HMGCLL1: variants seen among roughly 807,000 people sequenced by gnomAD.
HMGCLL1 encodes the protein 3-hydroxymethyl-3-methylglutaryl-CoA lyase, cytoplasmic.
In HMGCLL1, 36 loss-of-function variants were observed where a neutral mutation model predicts 39.1. The ratio of observed to expected loss-of-function variants is 0.92; its 90% CI spans 0.71 to 1.22. HMGCLL1 has a LOEUF of 1.22. Ranked by LOEUF, HMGCLL1 falls within the 50% of genes most tolerant of loss-of-function variation. HMGCLL1 has a pLI of 0.00. For synonymous variants in HMGCLL1, 149 were observed against 144.0 expected (o/e 1.03, Z -0.25); for missense variants, 451 against 416.5 (o/e 1.08, Z -0.72).
At chr6:55,617,533 G>A in the HMGCLL1 span, among the ~76,000 whole-genome samples, 1 of 152,078 alleles carries the variant, frequency 6.6e-6, no homozygotes, top group Non-Finnish European at 1.5e-5. Flanking sequence ...ATACACTGAA[G>A]ATATCATACT....
the HMGCLL1 span, among the ~76,000 whole-genome samples, chr6:55,650,399 C>T: frequency 6.6e-6 from 1 of 151,548 alleles, no homozygotes; most frequent in African/African-American, 2.4e-5. Context: ...TGGGTAAGAT[C>T]TGGAATAATT....
intron 7 of HMGCLL1, among the ~76,000 whole-genome samples, chr6:55,483,454 C>T (rs893845802): frequency 9.9e-5 from 15 of 152,000 alleles, no homozygotes; most frequent in African/African-American, 1.2e-4. Context: ...TTAGTAGAGA[C>T]GGGGTTTTAC....
At chr6:55,630,790 C>T in the HMGCLL1 span, among the ~76,000 whole-genome samples, 1 of 152,068 alleles carries the variant, frequency 6.6e-6, no homozygotes. Context: ...CCATGTGAGA[C>T]ATGACTTGCT....
the HMGCLL1 span, among the ~76,000 whole-genome samples, chr6:55,603,147 C>A: frequency 6.6e-6 from 1 of 152,042 alleles, no homozygotes; most frequent in Non-Finnish European, 1.5e-5. Flanking sequence ...TTCTAAGCAA[C>A]TTAATAAAAT....
At chr6:55,553,005 C>T (rs6914816) in intron 1 of HMGCLL1, among the ~76,000 whole-genome samples, 101,080 of 151,138 alleles carry the variant, frequency 0.67, 34,235 homozygotes, top group Admixed American at 0.72. Context: ...TAGCTGGTCA[C>T]TGTGGCACGT....
chr6:55,568,521 T>C (rs762547886), intron 1 of HMGCLL1, among the ~76,000 whole-genome samples: 9 of 152,140 alleles, frequency 5.9e-5, no homozygotes, highest in Non-Finnish European at 1.0e-4. Flanking sequence ...GCATTCAAGT[T>C]TACTTATATT....
At chr6:55,496,570 C>T (rs1029719833) in intron 6 of HMGCLL1, among the ~76,000 whole-genome samples, 3 of 152,080 alleles carry the variant, frequency 2.0e-5, no homozygotes, top group Admixed American at 6.6e-5. Flanking sequence ...AATTGCATAT[C>T]GCAGGACAAA....
intron 3 of HMGCLL1, among the ~76,000 whole-genome samples, chr6:55,535,102 A>C (rs1444467276): frequency 6.6e-6 from 1 of 152,222 alleles, no homozygotes; most frequent in Non-Finnish European, 1.5e-5. Context: ...CCTACATTTA[A>C]ATTTCAATGA....
chr6:55,599,787 A>C, the HMGCLL1 span, among the ~76,000 whole-genome samples: 1 of 152,196 alleles, frequency 6.6e-6, no homozygotes, highest in African/African-American at 2.4e-5. Context: ...AAACAATAGA[A>C]AATTTTGCAG....
the HMGCLL1 span, among the ~76,000 whole-genome samples, chr6:55,619,601 T>C: frequency 1.3e-5 from 2 of 152,112 alleles, no homozygotes; most frequent in Non-Finnish European, 2.9e-5. Flanking sequence ...TTATGGGGTA[T>C]GTGAGATATT....
At chr6:55,630,560 G>T in the HMGCLL1 span, among the ~76,000 whole-genome samples, 2 of 152,116 alleles carry the variant, frequency 1.3e-5, no homozygotes, top group Admixed American at 6.6e-5. Context: ...TTTGGGAGGG[G>T]CCAGGGGTGA....
chr6:55,503,473 C>T (rs1315935761), intron 5 of HMGCLL1, among the ~76,000 whole-genome samples: 1 of 88,568 alleles, frequency 1.1e-5, no homozygotes, highest in Non-Finnish European at 2.6e-5. Flanking sequence ...ATTGATGAAA[C>T]CTGAGACTTT....
At chr6:55,567,208 G>A (rs1194655402) in intron 1 of HMGCLL1, among the ~76,000 whole-genome samples, 1 of 151,918 alleles carries the variant, frequency 6.6e-6, no homozygotes, top group Admixed American at 6.6e-5. Context: ...CATTGGGAGA[G>A]GTGAAGGATA....
chr6:55,654,405 T>C, the HMGCLL1 span, among the ~76,000 whole-genome samples: 1 of 151,704 alleles, frequency 6.6e-6, no homozygotes, highest in Non-Finnish European at 1.5e-5. Context: ...AGTCAAAATT[T>C]GAAGTTATTT....
At chr6:55,631,934 TCTATGGGCCTTAC>T in the HMGCLL1 span, among the ~76,000 whole-genome samples, 1 of 152,136 alleles carries the variant, frequency 6.6e-6, no homozygotes, top group South Asian at 2.1e-4. Context: ...GGAAGGGTAT[TCTATGGGCCTTAC>T]CTATTTTGTC....
chr6:55,652,931 T>C, the HMGCLL1 span, among the ~76,000 whole-genome samples: 1 of 152,104 alleles, frequency 6.6e-6, no homozygotes. Context: ...AAATGTGTTG[T>C]TATTATTAGC....
chr6:55,661,623 T>C, the HMGCLL1 span, among the ~76,000 whole-genome samples: 1 of 152,054 alleles, frequency 6.6e-6, no homozygotes, highest in African/African-American at 2.4e-5. Context: ...AGCCCTGTAG[T>C]ATAGTTTAAA....
the HMGCLL1 span, among the ~76,000 whole-genome samples, chr6:55,663,281 G>A: frequency 6.7e-6 from 1 of 149,950 alleles, no homozygotes; most frequent in Non-Finnish European, 1.5e-5. Flanking sequence ...ATGTTAGGTT[G>A]TTGATTTGAG....
chr6:55,615,949 A>T, the HMGCLL1 span, among the ~76,000 whole-genome samples: 1 of 152,026 alleles, frequency 6.6e-6, no homozygotes, highest in Non-Finnish European at 1.5e-5. Context: ...CCTATCCCCC[A>T]CTTGAAACAG....
Sources: allele counts gnomAD v4.1 joint callset (sites outside exome capture counted in the v4.1 genomes callset), GRCh38; gene constraint gnomAD v4.1.1; transcripts MANE v1.5; gene names NCBI Gene and HGNC (gene_info 2026-07-23, HGNC 2026-07-21).